STAT5B: variants seen among roughly 807,000 people sequenced by gnomAD.
STAT5B encodes transcription factor STAT5B.
In STAT5B, 21 loss-of-function variants were observed where a neutral mutation model predicts 107.8. The observed-to-expected ratio is 0.19, with a 90% confidence interval of 0.14 to 0.28. STAT5B has a LOEUF of 0.28. Ranked by LOEUF, STAT5B falls within the 10% of genes least tolerant of loss-of-function variation. STAT5B has a pLI of 1.00. For synonymous variants in STAT5B, 325 were observed against 401.7 expected, an observed-to-expected ratio of 0.81 and a Z score of 2.28; for missense variants, 565 against 1,008.2, an observed-to-expected ratio of 0.56 and a Z score of 5.95.
chr17:42,266,801 C>A (rs1050334590), intron 1 of STAT5B, among the ~76,000 whole-genome samples: 14 of 152,116 alleles, frequency 9.2e-5, no homozygotes, highest in African/African-American at 3.4e-4. Context: ...CCATGCCACT[C>A]AGGAAGCCAA....
chr17:42,243,871 G>A (rs148491044), intron 1 of STAT5B, among the ~76,000 whole-genome samples: 231 of 151,676 alleles, frequency 1.5e-3, no homozygotes, highest in Non-Finnish European at 2.8e-3. Flanking sequence ...GTGGCCCACA[G>A]TGTACATGTG....
At chr17:42,249,576 T>C (rs2080480757) in intron 1 of STAT5B, among the ~76,000 whole-genome samples, 1 of 152,074 alleles carries the variant, frequency 6.6e-6, no homozygotes, top group Non-Finnish European at 1.5e-5. Flanking sequence ...CCAGTAGATA[T>C]ATATACAATG....
chr17:42,267,948 G>A (rs2080688284), intron 1 of STAT5B, among the ~76,000 whole-genome samples: 3 of 134,328 alleles, frequency 2.2e-5, no homozygotes, highest in East Asian at 2.2e-4. Flanking sequence ...ACAAGAGCAA[G>A]ACTCCATCTC....
chr17:42,245,384 C>T (rs560310461), intron 1 of STAT5B, among the ~76,000 whole-genome samples: 8 of 150,100 alleles, frequency 5.3e-5, no homozygotes. Flanking sequence ...CTGAGTCTTG[C>T]TCTTTCAACA....
At chr17:42,236,716 C>T (rs545951014) in intron 1 of STAT5B, among the ~76,000 whole-genome samples, 2 of 152,276 alleles carry the variant, frequency 1.3e-5, no homozygotes, top group African/African-American at 2.4e-5. Context: ...GGATTACAGG[C>T]GTGAGCCAGC....
the STAT5B span, among the ~76,000 whole-genome samples, chr17:42,286,623 A>G: frequency 7.9e-5 from 12 of 152,154 alleles, no homozygotes; most frequent in African/African-American, 2.4e-4. Flanking sequence ...TCTCTTAAGC[A>G]GGCACCCCCA....
At chr17:42,248,113 CAAAAA>C (rs2080467289) in intron 1 of STAT5B, among the ~76,000 whole-genome samples, 1 of 151,058 alleles carries the variant, frequency 6.6e-6, no homozygotes, top group Non-Finnish European at 1.5e-5. Context: ...TCCATCTCTA[CAAAAA>C]ATTTACAAAT....
intron 1 of STAT5B, among the ~76,000 whole-genome samples, chr17:42,254,687 A>G (rs1037180934): frequency 6.6e-6 from 1 of 152,170 alleles, no homozygotes; most frequent in African/African-American, 2.4e-5. Context: ...ATGAGAATGA[A>G]AAAGAAAGAA....
chr17:42,215,428 T>A (rs1350691654), intron 12 of STAT5B, among the ~76,000 whole-genome samples: 1 of 152,132 alleles, frequency 6.6e-6, no homozygotes, highest in Non-Finnish European at 1.5e-5. Flanking sequence ...AGCAAGAGTA[T>A]CCCTGTGCTG....
At chr17:42,223,290 G>C in intron 5 of STAT5B, 92 bp downstream of exon 5, 1 of 1,591,260 alleles carries the variant, frequency 6.3e-7, no homozygotes, top group Non-Finnish European at 8.6e-7. Context: ...CCTCCGAATG[G>C]AAAGTGTGCT....
At chr17:42,282,245 T>C in the STAT5B span, among the ~76,000 whole-genome samples, 1 of 152,174 alleles carries the variant, frequency 6.6e-6, no homozygotes, top group Middle Eastern at 3.4e-3. Context: ...GTAATACAGA[T>C]GGGATTGAAG....
chr17:42,226,540 G>A (rs1021037519), intron 3 of STAT5B, among the ~76,000 whole-genome samples: 6 of 152,142 alleles, frequency 3.9e-5, no homozygotes, highest in Non-Finnish European at 8.8e-5. Context: ...GGGTGCGGTG[G>A]CTCATGCCTG....
rs967644265 is a variant in STAT5B, at chr17:42,199,293, C to T, written c.*2445G>A. On this transcript the variant is annotated 3_prime_UTR_variant, in exon 19 of 19. Coordinates refer to ENST00000293328, the MANE Select transcript of STAT5B (RefSeq NM_012448.4). ...GTCAAATTTGAGGCCCCAAATTGTACACAATACTTTTTTTTGGTGGCTAAA... is the reference window on the plus strand; with the variant it reads ...GTCAAATTTGAGGCCCCAAATTGTATACAATACTTTTTTTTGGTGGCTAAA... 1.3e-5 allele frequency: 2 copies of T among 152,136 alleles called. No individual in the cohort carries two copies. Among genetic ancestry groups the T allele is most frequent in the African/African-American group, 2.4e-5 (1 of 41,198 alleles). The allele number at this position is 152,136 out of a possible 1,614,324, so 9.4% of individuals were successfully genotyped here. A position where few individuals can be genotyped will look rare whatever the true frequency, so the allele number is the denominator to read the frequency against.
At chr17:42,256,611 G>A (rs986767719) in intron 1 of STAT5B, among the ~76,000 whole-genome samples, 2 of 152,116 alleles carry the variant, frequency 1.3e-5, no homozygotes, top group Non-Finnish European at 2.9e-5. Flanking sequence ...TGTAATCCCA[G>A]CATTTTGGGA....
At chr17:42,248,448 A>C (rs1300226164) in intron 1 of STAT5B, among the ~76,000 whole-genome samples, 1 of 152,138 alleles carries the variant, frequency 6.6e-6, no homozygotes. Flanking sequence ...AAGATGAACT[A>C]AAATTGTGCA....
chr17:42,283,112 C>T, the STAT5B span, among the ~76,000 whole-genome samples: 2 of 152,210 alleles, frequency 1.3e-5, no homozygotes, highest in Non-Finnish European at 2.9e-5. Context: ...CACACAACCC[C>T]CAGAGGGCTT....
In STAT5B at chr17:42,207,971, T is replaced by C. The variant is rs1377918969; in HGVS notation, c.1907-243A>G. ...GTGCAGTGGTGCGATCTTGGCTCAC[T>C]GCAACCTCCAACTCCCTGGTTCAAG... is the stretch of plus-strand genomic sequence containing the variant. On this transcript the variant is annotated intron_variant, in intron 15 of 18. Transcript: ENST00000293328. 2.0e-5 allele frequency among the ~76,000 whole-genome samples: 3 copies of C among 152,304 alleles called. No individual in the cohort carries two copies. In the East Asian group the frequency reaches 5.8e-4, roughly 30 times the overall value.
intron 12 of STAT5B, 144 bp from the exon 13 acceptor site, chr17:42,212,334 G>C: frequency 2.2e-6 from 3 of 1,365,750 alleles, no homozygotes; most frequent in Non-Finnish European, 3.0e-6. Flanking sequence ...ACTCTGCTGG[G>C]GTACACGGTT....
At chr17:42,249,538 G>C (rs981058982) in intron 1 of STAT5B, among the ~76,000 whole-genome samples, 1 of 152,140 alleles carries the variant, frequency 6.6e-6, no homozygotes, top group Admixed American at 6.5e-5. Context: ...CAACATGCTA[G>C]GGCACAGGCA....
Sources: gnomAD v4.1 joint callset for allele counts (sites outside exome capture counted in the v4.1 genomes callset) on GRCh38, gnomAD v4.1.1 for gene constraint, MANE v1.5 for transcripts, NCBI Gene and HGNC (gene_info 2026-07-23, HGNC 2026-07-21) for gene names.